The following FXYD5 variants were observed in gnomAD, a reference collection of about 807,000 sequenced individuals.
FXYD5 encodes the protein FXYD domain-containing ion transport regulator 5.
FXYD5 carries 21 observed loss-of-function variants against 25.7 expected under a neutral mutation model. The observed-to-expected ratio is 0.82, with a 90% CI of 0.58 to 1.18. The LOEUF (loss-of-function observed/expected upper bound fraction) is 1.18. FXYD5 is among the 50% of genes most tolerant of loss of function. The pLI, the probability that FXYD5 is intolerant of heterozygous loss-of-function variation, is 0.00. For missense variants in FXYD5, 229 were observed against 227.7 expected, an observed-to-expected ratio of 1.01 and a Z score of -0.04; for synonymous variants, 101 against 90.7, an observed-to-expected ratio of 1.11 and a Z score of -0.64.
chr19:35,169,696 G>C lies in FXYD5; in HGVS notation c.*81G>C. On this transcript the variant is annotated 3_prime_UTR_variant, in exon 9 of 9. Coordinates refer to ENST00000392219, the MANE Select transcript of FXYD5 (RefSeq NM_014164.6). ...GCCAGCTCACCGTGCCCAGCCTCCT[G>C]CATCCCCTCGAAGAGCCTGGCCAGA... 1 of 884,150 alleles carries C rather than the reference G, an allele frequency of 1.1e-6. No homozygotes were observed. Among genetic ancestry groups the C allele is most frequent in the Non-Finnish European group, 1.9e-6 (1 of 525,612 alleles). 54.8% of individuals were successfully genotyped at this position (884,150 alleles called of 1,614,324 possible).
Position 35,169,865 on chromosome 19 carries a change from A to G in FXYD5, c.*250A>G, listed in dbSNP as rs749039799. 45 of 508,436 alleles carry G rather than the reference A, an allele frequency of 8.9e-5. No individual in the cohort carries two copies. Among genetic ancestry groups the G allele is most frequent in the Non-Finnish European group, 1.5e-4 (41 of 280,238 alleles). The allele number at this position is 508,436 out of a possible 1,614,324, so 31.5% of individuals were successfully genotyped here. A position where few individuals can be genotyped will look rare whatever the true frequency, so the allele number is the denominator to read the frequency against. On this transcript the variant is annotated 3_prime_UTR_variant, in exon 9 of 9. Coordinates refer to ENST00000392219, the MANE Select transcript of FXYD5 (RefSeq NM_014164.6). ...TCTCCTCTGCTAAGACAAAAAGTAA[A>G]GCACTGTGGTCTTTGCCCCAGGATC...
intron 5 of FXYD5, chr19:35,163,900 G>T: frequency 8.8e-7 from 1 of 1,140,060 alleles, no homozygotes; most frequent in Non-Finnish European, 1.2e-6. Context: ...GAAGGTCCTA[G>T]GAGAGGGGTC....
In FXYD5 at chr19:35,169,762, G is replaced by A. The variant is rs1465443861; in HGVS notation, c.*147G>A. ...TGATGAAGCTGGAGCCAGGGCTGCC[G>A]GTCCGAGTCTCCTACCTCCCCCAAC... On this transcript the variant is annotated 3_prime_UTR_variant, in exon 9 of 9. Transcript: ENST00000392219. 4.0e-5 allele frequency: 26 copies of A among 647,102 alleles called. No individual in the cohort carries two copies. The highest frequency in any genetic ancestry group is 5.4e-5 in the African/African-American group (3 of 55,320). 40.1% of individuals were successfully genotyped at this position (647,102 alleles called of 1,614,324 possible).
At chr19:35,160,611 G>T (rs901784907) in intron 4 of FXYD5, 98 bp from the exon 5 acceptor site, 8 of 797,972 alleles carry the variant, frequency 1.0e-5, no homozygotes, top group Non-Finnish European at 1.1e-5. Context: ...CTCCCAAAGT[G>T]CTGGGAATAC....
intron 5 of FXYD5, 175 bp from the exon 6 acceptor site, chr19:35,163,981 A>G (rs1455651802): frequency 2.7e-6 from 4 of 1,476,196 alleles, no homozygotes; most frequent in East Asian, 5.0e-5. Flanking sequence ...CAGCATTTCA[A>G]TGCCTGTCAT....
chr19:35,161,248 A>ACACACACACACACACACACACACACACAC (rs61309039), intron 5 of FXYD5, among the ~76,000 whole-genome samples: 5,876 of 142,428 alleles, frequency 0.041, 258 homozygotes, highest in South Asian at 0.059. Flanking sequence ...ACACACACAC[A>ACACACACACACACACACACACACACACAC]AAAGAATGAT....
intron 2 of FXYD5, chr19:35,156,963 A>G: frequency 6.0e-6 from 1 of 167,044 alleles, no homozygotes; most frequent in Non-Finnish European, 1.3e-5. Flanking sequence ...GTTATCCAGC[A>G]CTGACCACAT....
chr19:35,167,857 A>T (rs903806707), intron 8 of FXYD5, among the ~76,000 whole-genome samples: 4 of 152,158 alleles, frequency 2.6e-5, no homozygotes, highest in Non-Finnish European at 5.9e-5. Flanking sequence ...TTCTCACCCC[A>T]GTGGAGAAGT....
intron 2 of FXYD5, among the ~76,000 whole-genome samples, chr19:35,156,059 G>T (rs544773256): frequency 7.2e-4 from 110 of 152,194 alleles, no homozygotes; most frequent in Non-Finnish European, 1.3e-3. Flanking sequence ...GGGAACCACA[G>T]GGGGGTATTG....
At chr19:35,157,355 G>T in intron 2 of FXYD5, 66 bp from the exon 3 acceptor site, 1 of 814,178 alleles carries the variant, frequency 1.2e-6, no homozygotes. Flanking sequence ...CCAGGGAGGC[G>T]AGGGCGGGGG....
intron 8 of FXYD5, 75 bp downstream of exon 8, chr19:35,166,400 G>A (rs551621866): frequency 2.1e-6 from 2 of 937,658 alleles, no homozygotes; most frequent in South Asian, 1.6e-5. Context: ...GGTTCTCAAA[G>A]GTCCCTGGGC....
intron 3 of FXYD5, 52 bp from the exon 4 acceptor site, chr19:35,158,292 C>A: frequency 8.1e-7 from 1 of 1,238,506 alleles, no homozygotes; most frequent in Non-Finnish European, 1.2e-6. Context: ...ACCTTGCCCA[C>A]TTCTTTTTCT....
chr19:35,164,334 G>A, intron 6 of FXYD5, 89 bp downstream of exon 6: 5 of 1,324,700 alleles, frequency 3.8e-6, no homozygotes, highest in South Asian at 2.9e-5. Flanking sequence ...GCACAGAATA[G>A]TTCTCAGTAA....
chr19:35,155,723 C>A, intron 2 of FXYD5, 112 bp downstream of exon 2: 1 of 802,202 alleles, frequency 1.2e-6, no homozygotes, highest in Non-Finnish European at 2.1e-6. Flanking sequence ...GCCCTGTCAC[C>A]CTCCCGCTGA....
chr19:35,160,649 A>G (rs769308320), intron 4 of FXYD5, 60 bp from the exon 5 acceptor site: 24 of 1,217,892 alleles, frequency 2.0e-5, no homozygotes, highest in African/African-American at 1.0e-4. Flanking sequence ...CCCGGCCCCA[A>G]TTCTCTTTCC....
intron 6 of FXYD5, among the ~76,000 whole-genome samples, chr19:35,164,781 G>A (rs969283069): frequency 7.2e-5 from 11 of 152,350 alleles, no homozygotes; most frequent in African/African-American, 2.6e-4. Flanking sequence ...CTAGGGGACA[G>A]AGATAGAGTG....
At position 35,169,671 on chromosome 19, in the gene FXYD5, G is replaced by T; in HGVS notation, c.*56G>T. The T allele has an allele frequency of 1.7e-6, 2 of 1,161,704 alleles. No individual in the cohort carries two copies. The highest frequency in any genetic ancestry group is 2.6e-6 in the Non-Finnish European group (2 of 769,014). 72.0% of individuals were successfully genotyped at this position (1,161,704 alleles called of 1,614,324 possible). On this transcript the variant is annotated 3_prime_UTR_variant, in exon 9 of 9. Coordinates refer to ENST00000392219, the MANE Select transcript of FXYD5 (RefSeq NM_014164.6). ...TGGGCACCCGAAGACCAAGCCCCCT[G>T]CCAGCTCACCGTGCCCAGCCTCCTG...
chr19:35,157,722 AAG>A (rs2065370213), intron 3 of FXYD5: 2 of 418,916 alleles, frequency 4.8e-6, no homozygotes, highest in Non-Finnish European at 8.8e-6. Flanking sequence ...CATTTTCAGG[AAG>A]AGTCTCCTCT....
chr19:35,162,573 A>C (rs2065415736), intron 5 of FXYD5, among the ~76,000 whole-genome samples: 1 of 152,028 alleles, frequency 6.6e-6, no homozygotes, highest in African/African-American at 2.4e-5. Flanking sequence ...CTTGAAAGCA[A>C]GCTCTCTGGT....
Sources: allele counts gnomAD v4.1 joint callset (sites outside exome capture counted in the v4.1 genomes callset), GRCh38; gene constraint gnomAD v4.1.1; transcripts MANE v1.5; gene names NCBI Gene and HGNC (gene_info 2026-07-23, HGNC 2026-07-21).